USO1: variants seen among roughly 807,000 people sequenced by gnomAD.
USO1 encodes the protein USO1 vesicle transport factor.
In USO1, 57 loss-of-function variants were observed where a neutral mutation model predicts 124.5. That is an observed-to-expected ratio of 0.46 (90% CI 0.37 to 0.57). The LOEUF (loss-of-function observed/expected upper bound fraction) is 0.57, where lower values mean the gene tolerates loss of function less well. Ranked by LOEUF, USO1 falls within the 20% of genes least tolerant of loss-of-function variation. USO1 has a pLI of 0.00. For synonymous variants in USO1, 369 were observed against 362.8 expected (o/e 1.02, Z -0.19); for missense variants, 900 against 1,040.6 (o/e 0.86, Z 1.86).
chr4:75,785,521 A>G (rs904600393), intron 9 of USO1, among the ~76,000 whole-genome samples: 5 of 152,068 alleles, frequency 3.3e-5, no homozygotes, highest in Admixed American at 6.6e-5. Flanking sequence ...TAGAAACTTT[A>G]TATATTAAGT....
At chr4:75,760,253 G>A (rs11946692) in intron 4 of USO1, among the ~76,000 whole-genome samples, 4,424 of 152,180 alleles carry the variant, frequency 0.029, 200 homozygotes, top group African/African-American at 0.1. Context: ...AATAGACATT[G>A]AGACATGTCC....
intron 1 of USO1, among the ~76,000 whole-genome samples, chr4:75,737,321 G>A (rs972481253): frequency 9.9e-5 from 15 of 152,096 alleles, no homozygotes; most frequent in Non-Finnish European, 4.4e-5. Flanking sequence ...ATAGTAATTG[G>A]CATAGATACC....
chr4:75,795,006 ATCTC>A (rs796734745), intron 13 of USO1, among the ~76,000 whole-genome samples: 4 of 152,330 alleles, frequency 2.6e-5, no homozygotes, highest in African/African-American at 9.6e-5. Context: ...AACAGTAATT[ATCTC>A]TCTCATCACC....
At chr4:75,798,307 T>C (rs548893298) in intron 13 of USO1, among the ~76,000 whole-genome samples, 1 of 152,350 alleles carries the variant, frequency 6.6e-6, no homozygotes, top group South Asian at 2.1e-4. Context: ...GTATATTTGG[T>C]ACCTGCAAAT....
At chr4:75,777,092 T>C (rs1327559862) in intron 8 of USO1, among the ~76,000 whole-genome samples, 2 of 152,230 alleles carry the variant, frequency 1.3e-5, no homozygotes, top group Non-Finnish European at 2.9e-5. Flanking sequence ...TTTTTAAAAT[T>C]ACTTTTCTAT....
At chr4:75,750,055 A>G (rs1429687941) in intron 1 of USO1, among the ~76,000 whole-genome samples, 4 of 152,094 alleles carry the variant, frequency 2.6e-5, no homozygotes, top group Admixed American at 6.5e-5. Flanking sequence ...GCCCGGCCTA[A>G]ACTATGTTCT....
chr4:75,800,292 T>C (rs2149189014), intron 14 of USO1, 59 bp from the exon 15 acceptor site: 1 of 1,518,492 alleles, frequency 6.6e-7, no homozygotes, highest in East Asian at 2.5e-5. Flanking sequence ...TATGTCAAAT[T>C]CAAATTGCAA....
intron 13 of USO1, among the ~76,000 whole-genome samples, chr4:75,796,875 ATTT>A (rs11290866): frequency 3.0e-5 from 4 of 131,656 alleles, no homozygotes; most frequent in Non-Finnish European, 3.2e-5. Context: ...TGAGTTACAG[ATTT>A]TTTTTTTTTT....
At chr4:75,767,636 C>T (rs184291883) in intron 4 of USO1, 8 of 282,962 alleles carry the variant, frequency 2.8e-5, no homozygotes, top group South Asian at 1.4e-4. Context: ...CCCAGCTACT[C>T]GGGAGGCTGA....
chr4:75,771,571 T>C (rs574605827), intron 7 of USO1, among the ~76,000 whole-genome samples: 25 of 152,360 alleles, frequency 1.6e-4, no homozygotes, highest in South Asian at 4.1e-4. Context: ...ACTCTACCTC[T>C]GCAATTTTCT....
intron 1 of USO1, among the ~76,000 whole-genome samples, chr4:75,751,243 A>G (rs1221568540): frequency 6.6e-6 from 1 of 150,382 alleles, no homozygotes; most frequent in African/African-American, 2.4e-5. Context: ...ACGGAACCTC[A>G]CTCTGTCACT....
chr4:75,772,407 T>G (rs1004890477), intron 7 of USO1, among the ~76,000 whole-genome samples: 2 of 152,042 alleles, frequency 1.3e-5, no homozygotes, highest in South Asian at 4.2e-4. Context: ...CAGCTAATTT[T>G]TTTGTATTTT....
chr4:75,769,053 G>A (rs1560447016), intron 4 of USO1, among the ~76,000 whole-genome samples: 1 of 151,878 alleles, frequency 6.6e-6, no homozygotes, highest in Non-Finnish European at 1.5e-5. Context: ...CAAAAGCTTG[G>A]AATCACTCTT....
intron 1 of USO1, among the ~76,000 whole-genome samples, chr4:75,744,551 C>G (rs568725297): frequency 6.6e-6 from 1 of 152,264 alleles, no homozygotes; most frequent in South Asian, 2.1e-4. Context: ...TCCCGAGTAG[C>G]TGAGATTACA....
chr4:75,744,135 G>A (rs1487422228), intron 1 of USO1, among the ~76,000 whole-genome samples: 1 of 152,028 alleles, frequency 6.6e-6, no homozygotes, highest in Non-Finnish European at 1.5e-5. Context: ...GTCTATAGAG[G>A]TTTCTAAATG....
intron 10 of USO1, 97 bp downstream of exon 10, chr4:75,787,299 A>T: frequency 7.5e-7 from 1 of 1,339,014 alleles, no homozygotes; most frequent in Non-Finnish European, 9.7e-7. Flanking sequence ...ACAATAGTTA[A>T]CCATTTTTTA....
chr4:75,793,976 AGAT>A, intron 13 of USO1, 75 bp downstream of exon 13: 1 of 1,575,362 alleles, frequency 6.3e-7, no homozygotes, highest in Non-Finnish European at 8.6e-7. Flanking sequence ...TGTCTTTAGA[AGAT>A]GCAGATGAAA....
chr4:75,760,873 G>A (rs1427703328), intron 4 of USO1, among the ~76,000 whole-genome samples: 1 of 152,146 alleles, frequency 6.6e-6, no homozygotes, highest in Non-Finnish European at 1.5e-5. Flanking sequence ...CTGGCCAGGC[G>A]TGGTGGCTCA....
At chr4:75,804,333 A>G (rs1722934729) in intron 18 of USO1, 61 bp downstream of exon 18, 1 of 1,531,510 alleles carries the variant, frequency 6.5e-7, no homozygotes, top group Admixed American at 2.2e-5. Flanking sequence ...CAAGAGCTAG[A>G]CAAAGTAAAA....
Sources: gnomAD v4.1 joint callset for allele counts (sites outside exome capture counted in the v4.1 genomes callset) on GRCh38, gnomAD v4.1.1 for gene constraint, MANE v1.5 for transcripts, NCBI Gene and HGNC (gene_info 2026-07-23, HGNC 2026-07-21) for gene names.